The following HEMK2 variants were observed in gnomAD, a reference collection of about 807,000 sequenced individuals.
HEMK2 encodes the protein methyltransferase HEMK2.
the HEMK2 span, among the ~76,000 whole-genome samples, chr21:28,620,655 C>CTTTTTTTTTTTTTTTTTT: frequency 3.1e-5 from 2 of 65,538 alleles, no homozygotes; most frequent in Non-Finnish European, 5.8e-5. Context: ...ATTCTTCTCT[C>CTTTTTTTTTTTTTTTTTT]TTTTCTTTTT....
the HEMK2 span, among the ~76,000 whole-genome samples, chr21:28,826,929 A>G: frequency 6.6e-6 from 1 of 152,194 alleles, no homozygotes; most frequent in Non-Finnish European, 1.5e-5. Context: ...CATGTCATCC[A>G]GTAAGTAGGC....
At chr21:28,861,228 G>A in the HEMK2 span, among the ~76,000 whole-genome samples, 6 of 152,198 alleles carry the variant, frequency 3.9e-5, no homozygotes, top group Non-Finnish European at 7.3e-5. Context: ...TCACAAGATG[G>A]CAGGGGCCAA....
the HEMK2 span, among the ~76,000 whole-genome samples, chr21:28,623,947 C>T: frequency 4.6e-5 from 7 of 152,038 alleles, no homozygotes; most frequent in African/African-American, 1.7e-4. Flanking sequence ...CAAACCTGCA[C>T]GTTCTGCACA....
the HEMK2 span, among the ~76,000 whole-genome samples, chr21:28,835,577 G>C: frequency 1.1e-4 from 17 of 151,976 alleles, no homozygotes; most frequent in African/African-American, 3.9e-4. Context: ...ACAAAACAAG[G>C]CTCTTCAACA....
the HEMK2 span, among the ~76,000 whole-genome samples, chr21:28,868,698 T>C: frequency 1.3e-5 from 2 of 152,178 alleles, no homozygotes; most frequent in African/African-American, 2.4e-5. Flanking sequence ...AACAAAAAAG[T>C]ATTTTAATCA....
the HEMK2 span, among the ~76,000 whole-genome samples, chr21:28,877,159 A>G: frequency 7.2e-6 from 1 of 138,186 alleles, no homozygotes; most frequent in Non-Finnish European, 1.6e-5. Flanking sequence ...AGAGAAAGAA[A>G]GAGAAAGAAA....
At chr21:28,834,948 C>T in the HEMK2 span, among the ~76,000 whole-genome samples, 1 of 152,058 alleles carries the variant, frequency 6.6e-6, no homozygotes, top group Non-Finnish European at 1.5e-5. Flanking sequence ...ACTCCAGTGG[C>T]CTGGGAATCT....
the HEMK2 span, among the ~76,000 whole-genome samples, chr21:28,795,791 GA>G: frequency 1.3e-5 from 2 of 152,276 alleles, no homozygotes; most frequent in African/African-American, 2.4e-5. Context: ...GAGGCTGATC[GA>G]AAAGGAAATT....
the HEMK2 span, among the ~76,000 whole-genome samples, chr21:28,741,809 G>A: frequency 6.6e-6 from 1 of 152,102 alleles, no homozygotes; most frequent in South Asian, 2.1e-4. Context: ...TCATTGATGG[G>A]CATTTAGGTT....
the HEMK2 span, among the ~76,000 whole-genome samples, chr21:28,582,319 G>T: frequency 6.6e-6 from 1 of 152,094 alleles, no homozygotes; most frequent in Admixed American, 6.6e-5. Flanking sequence ...AATCCAGAAG[G>T]GATATATTAA....
At chr21:28,856,577 A>G in the HEMK2 span, among the ~76,000 whole-genome samples, 84 of 152,290 alleles carry the variant, frequency 5.5e-4, 1 homozygote, top group East Asian at 9.6e-3. Context: ...TGTACCTTCA[A>G]TTGAGGTATC....
At chr21:28,601,935 G>A in the HEMK2 span, among the ~76,000 whole-genome samples, 1 of 152,216 alleles carries the variant, frequency 6.6e-6, no homozygotes, top group East Asian at 1.9e-4. Flanking sequence ...CAGCAAGTGT[G>A]AGGACTGAGA....
the HEMK2 span, among the ~76,000 whole-genome samples, chr21:28,787,901 T>G: frequency 6.6e-6 from 1 of 152,070 alleles, no homozygotes; most frequent in Non-Finnish European, 1.5e-5. Context: ...AAAAAGATAC[T>G]TGCACGTGCA....
At chr21:28,766,141 C>T in the HEMK2 span, among the ~76,000 whole-genome samples, 1 of 151,990 alleles carries the variant, frequency 6.6e-6, no homozygotes, top group African/African-American at 2.4e-5. Flanking sequence ...ACATCACACA[C>T]CAGGGCCTGT....
chr21:28,883,260 T>G, the HEMK2 span, among the ~76,000 whole-genome samples: 3 of 152,184 alleles, frequency 2.0e-5, no homozygotes, highest in East Asian at 3.8e-4. Flanking sequence ...TCAAAATTAC[T>G]AATATTTTGG....
chr21:28,806,636 G>A, the HEMK2 span, among the ~76,000 whole-genome samples: 1 of 152,084 alleles, frequency 6.6e-6, no homozygotes, highest in African/African-American at 2.4e-5. Context: ...TTCCTGGTCT[G>A]CAAAAGACAA....
chr21:28,722,503 T>C, the HEMK2 span, among the ~76,000 whole-genome samples: 1 of 152,218 alleles, frequency 6.6e-6, no homozygotes, highest in African/African-American at 2.4e-5. Flanking sequence ...TTGAGAGAGT[T>C]GTTTCCATTT....
the HEMK2 span, among the ~76,000 whole-genome samples, chr21:28,853,437 T>A: frequency 6.6e-6 from 1 of 152,222 alleles, no homozygotes; most frequent in Non-Finnish European, 1.5e-5. Flanking sequence ...ACACCCTTAA[T>A]GTCCATTCCC....
the HEMK2 span, among the ~76,000 whole-genome samples, chr21:28,576,405 G>GT: frequency 2.6e-5 from 4 of 152,012 alleles, no homozygotes; most frequent in East Asian, 5.8e-4. Context: ...ATCTCTTTCA[G>GT]TTTTTTTCCC....
Sources: gnomAD v4.1 joint callset for allele counts (sites outside exome capture counted in the v4.1 genomes callset) on GRCh38, gnomAD v4.1.1 for gene constraint, MANE v1.5 for transcripts, NCBI Gene and HGNC (gene_info 2026-07-23, HGNC 2026-07-21) for gene names.